The following GABRG1 variants were observed in gnomAD, a reference collection of about 807,000 sequenced individuals.
GABRG1 encodes the protein gamma-aminobutyric acid type A receptor subunit gamma1, also known as gamma-aminobutyric acid receptor subunit gamma-1.
Under a neutral mutation model 49.8 loss-of-function variants are expected in GABRG1, and 49 were observed. The ratio of observed to expected loss-of-function variants is 0.98; its 90% CI spans 0.78 to 1.25. The LOEUF is 1.25. Ranked by LOEUF, GABRG1 falls within the 50% of genes most tolerant of loss-of-function variation. GABRG1 has a pLI of 0.00. For synonymous variants in GABRG1, 232 were observed against 185.1 expected (o/e 1.25, Z -2.06); for missense variants, 552 against 552.3 (o/e 1.00, Z 0.01).
intron 7 of GABRG1, among the ~76,000 whole-genome samples, chr4:46,054,162 A>T (rs1718352501): frequency 4.6e-5 from 2 of 43,940 alleles, no homozygotes; most frequent in Non-Finnish European, 8.3e-5. Flanking sequence ...AGTTGTAGAT[A>T]TGCGGCATTA....
rs1464334868 is a variant in GABRG1, at chr4:46,040,798, A to T, written c.*190T>A. 2.1e-6 allele frequency: 1 copy of T among 475,802 alleles called. No individual in the cohort carries two copies. Among genetic ancestry groups the T allele is most frequent in the Non-Finnish European group, 3.6e-6 (1 of 279,266 alleles). The allele number at this position is 475,802 out of a possible 1,614,324, so 29.5% of individuals were successfully genotyped here. A position where few individuals can be genotyped will look rare whatever the true frequency, so the allele number is the denominator to read the frequency against. ...AACCTACTGGATTTTGCAACTAATC[A>T]GTTTCACGTAAATTAGCCTGAAAGC... On this transcript the variant is annotated 3_prime_UTR_variant, in exon 9 of 9. Coordinates refer to ENST00000295452, the MANE Select transcript of GABRG1 (RefSeq NM_173536.4).
At chr4:46,098,820 T>A (rs1038041755) in intron 1 of GABRG1, among the ~76,000 whole-genome samples, 2 of 151,792 alleles carry the variant, frequency 1.3e-5, no homozygotes, top group South Asian at 2.1e-4. Context: ...GGATATCACA[T>A]CTGCTTTGTA....
intron 2 of GABRG1, among the ~76,000 whole-genome samples, chr4:46,088,353 C>T (rs1333270242): frequency 6.6e-6 from 1 of 151,924 alleles, no homozygotes; most frequent in Admixed American, 6.6e-5. Flanking sequence ...TAGTCTGAAC[C>T]TAGAAGATAA....
chr4:46,056,259 C>T (rs1718444179), intron 7 of GABRG1, among the ~76,000 whole-genome samples: 1 of 151,452 alleles, frequency 6.6e-6, no homozygotes, highest in South Asian at 2.1e-4. Context: ...AACTATTGGC[C>T]CCTTCTCCAA....
chr4:46,116,469 C>A (rs1424316558), intron 1 of GABRG1, among the ~76,000 whole-genome samples: 1 of 150,572 alleles, frequency 6.6e-6, no homozygotes, highest in African/African-American at 2.4e-5. Context: ...TTCAAGGCTG[C>A]TAAAAATATT....
intron 1 of GABRG1, among the ~76,000 whole-genome samples, chr4:46,118,657 A>G (rs539713572): frequency 2.0e-5 from 3 of 151,202 alleles, no homozygotes; most frequent in African/African-American, 7.2e-5. Flanking sequence ...TTAACACACA[A>G]TGGGCACTGA....
chr4:46,037,032 A>T lies in GABRG1; in HGVS notation c.*3956T>A, dbSNP rs549732777. On this transcript the variant is annotated 3_prime_UTR_variant, in exon 9 of 9. Transcript: ENST00000295452. ...GGAAATTGTGATCTCTCTCCCTCTT[A>T]CCTGTTGAATCCCCAGCTCGCATCT... 4.6e-5 allele frequency: 7 copies of T among 151,590 alleles called. No individual in the cohort carries two copies. The South Asian group carries it at 1.5e-3, about 32-fold the overall frequency. The allele number at this position is 151,590 out of a possible 1,614,324, so 9.4% of individuals were successfully genotyped here.
At chr4:46,044,972 G>A (rs1053949250) in intron 8 of GABRG1, among the ~76,000 whole-genome samples, 5 of 152,066 alleles carry the variant, frequency 3.3e-5, no homozygotes, top group Non-Finnish European at 7.4e-5. Flanking sequence ...ATATTTGGAA[G>A]GAATCAGATG....
chr4:46,051,827 T>A (rs1458625752), intron 7 of GABRG1, among the ~76,000 whole-genome samples, 189 bp from the exon 8 acceptor site: 1 of 151,834 alleles, frequency 6.6e-6, no homozygotes. Context: ...TTTCTGTGAG[T>A]TCTAATCATT....
chr4:46,122,814 T>A (rs1056783971), intron 1 of GABRG1, among the ~76,000 whole-genome samples: 6 of 152,208 alleles, frequency 3.9e-5, no homozygotes, highest in Middle Eastern at 6.8e-3. Context: ...GTTACTTTTT[T>A]AATAATGTAA....
chr4:46,071,747 G>T (rs73144818), intron 3 of GABRG1, among the ~76,000 whole-genome samples: 8,328 of 151,564 alleles, frequency 0.055, 781 homozygotes, highest in African/African-American at 0.19. Flanking sequence ...ATTGAAAAAA[G>T]CAAAAGCTTA....
In GABRG1 at chr4:46,049,589, T is replaced by C. The variant is rs150296017; in HGVS notation, c.1131+1835A>G. Among the ~76,000 whole-genome samples the C allele has an allele frequency of 1.3e-3, 203 of 152,080 alleles. 2 individuals are homozygous for C. The highest frequency in any genetic ancestry group is 6.8e-3 in the Middle Eastern group (2 of 294). On this transcript the variant is annotated intron_variant, in intron 8 of 8. Coordinates refer to ENST00000295452, the MANE Select transcript of GABRG1 (RefSeq NM_173536.4). ...TTAATTTTCGTTCTTTACCTTTCCA[T>C]AATTAGTAGTTTGCAACCTAGGCTT... is the stretch of plus-strand genomic sequence containing the variant.
intron 3 of GABRG1, among the ~76,000 whole-genome samples, chr4:46,074,570 A>G (rs1370109634): frequency 2.6e-5 from 4 of 152,130 alleles, no homozygotes; most frequent in Middle Eastern, 3.2e-3. Flanking sequence ...AATTTCAGTT[A>G]TGGTAATTTG....
chr4:46,104,464 C>T (rs956850426), intron 1 of GABRG1, among the ~76,000 whole-genome samples: 1 of 151,436 alleles, frequency 6.6e-6, no homozygotes, highest in Non-Finnish European at 1.5e-5. Context: ...TTAGTTATTA[C>T]ATTTTAGCAT....
At chr4:46,117,476 A>G (rs953977085) in intron 1 of GABRG1, among the ~76,000 whole-genome samples, 6 of 149,786 alleles carry the variant, frequency 4.0e-5, no homozygotes, top group Non-Finnish European at 6.0e-5. Context: ...TAAAATATAT[A>G]GGAAATCTAT....
intron 1 of GABRG1, among the ~76,000 whole-genome samples, chr4:46,122,704 C>T (rs749679705): frequency 6.6e-5 from 10 of 152,106 alleles, no homozygotes; most frequent in Admixed American, 3.3e-4. Context: ...TTTACACTTA[C>T]GTTTATAATA....
rs1395770627 is a variant in GABRG1, at chr4:46,038,918, T to TC, written c.*2069dup. ...GTGAGAAAATCAAAGCTATTTTTTT[T>TC]CTTTTACATAGAACGTGGTTCAGAA... On this transcript the variant is annotated 3_prime_UTR_variant, in exon 9 of 9. Coordinates refer to ENST00000295452, the MANE Select transcript of GABRG1 (RefSeq NM_173536.4). The TC allele has an allele frequency of 1.3e-5, 2 of 151,676 alleles. No homozygotes were observed. Among genetic ancestry groups the TC allele is most frequent in the African/African-American group, 4.8e-5 (2 of 41,398 alleles). 9.4% of individuals were successfully genotyped at this position (151,676 alleles called of 1,614,324 possible). A position where few individuals can be genotyped will look rare whatever the true frequency, so the allele number is the denominator to read the frequency against.
chr4:46,098,694 GC>G (rs1720273877), intron 1 of GABRG1, among the ~76,000 whole-genome samples: 1 of 151,608 alleles, frequency 6.6e-6, no homozygotes, highest in African/African-American at 2.4e-5. Flanking sequence ...GCTTTTGATT[GC>G]CACCTCTTTG....
chr4:46,063,296 G>A (rs1464687993), intron 5 of GABRG1, among the ~76,000 whole-genome samples: 2 of 151,914 alleles, frequency 1.3e-5, no homozygotes, highest in East Asian at 3.9e-4. Flanking sequence ...AACCAAAACA[G>A]CATGGTACTG....
Sources: allele counts gnomAD v4.1 joint callset (sites outside exome capture counted in the v4.1 genomes callset), GRCh38; gene constraint gnomAD v4.1.1; transcripts MANE v1.5; gene names NCBI Gene and HGNC (gene_info 2026-07-23, HGNC 2026-07-21).